Variants in KDR observed in about 807,000 individuals in gnomAD.
The protein encoded by KDR is kinase insert domain receptor, also known as vascular endothelial growth factor receptor 2.
A neutral mutation model predicts 160.9 loss-of-function variants in KDR; 43 were observed. The ratio of observed to expected loss-of-function variants is 0.27; its 90% CI spans 0.21 to 0.34. The LOEUF is 0.34. KDR is among the 10% of genes least tolerant of loss of function. The probability of loss-of-function intolerance (pLI) is 1.00; values close to 1 mark genes in which losing one functional copy is unlikely to be tolerated. For missense variants in KDR, 1,469 were observed against 1,666.4 expected (o/e 0.88, Z 2.06); for synonymous variants, 617 against 600.1 (o/e 1.03, Z -0.41).
chr4:55,080,254 G>T, intron 29 of KDR, 91 bp from the exon 30 acceptor site: 1 of 1,139,976 alleles, frequency 8.8e-7, no homozygotes. Flanking sequence ...CCATATGGCT[G>T]CCATCTCCCT....
intron 16 of KDR, 128 bp from the exon 17 acceptor site, chr4:55,098,400 A>T: frequency 1.8e-6 from 2 of 1,127,742 alleles, no homozygotes; most frequent in Non-Finnish European, 2.6e-6. Flanking sequence ...GGAGTTTGAG[A>T]GTGGTCCTAT....
At chr4:55,108,761 CCTT>C (rs1025799244) in intron 9 of KDR, among the ~76,000 whole-genome samples, 3 of 151,832 alleles carry the variant, frequency 2.0e-5, no homozygotes, top group Non-Finnish European at 2.9e-5. Context: ...TCTCTCACTT[CCTT>C]CTTTCTTCTC....
intron 29 of KDR, 122 bp downstream of exon 29, chr4:55,081,834 G>T (rs1049870240): frequency 2.4e-5 from 16 of 675,720 alleles, no homozygotes; most frequent in Non-Finnish European, 3.2e-5. Flanking sequence ...TTGTTAAATT[G>T]ATGCTAATTT....
rs1316766290 is a variant in KDR, at chr4:55,079,966, G to C, written c.4046C>G (p.Thr1349Ser). The stretch of plus-strand genomic sequence containing the variant: ...TTAAACAGGAGGAGAGCTCAGTGTG[G>C]TCCCCGAGTCAGGCTGGAGAATCTG... ...TAQILQPDSGTTLSSPPV is the reference protein window; with the variant it reads ...TAQILQPDSGSTLSSPPV Residue 1349 changes from threonine to serine, a missense_variant, in exon 30 of 30, where the codon ACC becomes AGC. Thr to Ser is a moderately conservative substitution (Grantham distance 58). Around this residue, in one of 7 missense-constraint regions of KDR, gnomAD observed 229 missense variants for 197.8 expected, o/e 1.16. Coordinates refer to ENST00000263923, the MANE Select transcript of KDR (RefSeq NM_002253.4). 1 of 1,614,002 alleles carries C rather than the reference G, an allele frequency of 6.2e-7. No individual in the cohort carries two copies. The highest frequency in any genetic ancestry group is 1.3e-5 in the African/African-American group (1 of 74,898).
intron 10 of KDR, 60 bp from the exon 11 acceptor site, chr4:55,106,870 A>G: frequency 1.4e-6 from 2 of 1,397,110 alleles, no homozygotes; most frequent in South Asian, 2.3e-5. Flanking sequence ...TAGAGTCAAG[A>G]GTAAGGAAAA....
chr4:55,089,855 A>G (rs1719963622), intron 23 of KDR, 53 bp from the exon 24 acceptor site: 14 of 1,606,800 alleles, frequency 8.7e-6, no homozygotes, highest in Non-Finnish European at 1.2e-5. Context: ...ATATCTGAAG[A>G]AAAAAACTTC....
chr4:55,087,936 T>C (rs7682773), intron 26 of KDR, among the ~76,000 whole-genome samples, 178 bp from the exon 27 acceptor site: 67 of 151,998 alleles, frequency 4.4e-4, no homozygotes, highest in Non-Finnish European at 8.8e-4. Context: ...GCTGTTGAAA[T>C]GGAAGGTATA....
intron 14 of KDR, 101 bp from the exon 15 acceptor site, chr4:55,102,129 C>T: frequency 6.6e-7 from 1 of 1,519,998 alleles, no homozygotes; most frequent in Non-Finnish European, 9.1e-7. Flanking sequence ...TCATCTTGTT[C>T]TATTATCTAA....
At chr4:55,093,379 A>G (rs1292816037) in intron 21 of KDR, among the ~76,000 whole-genome samples, 3 of 152,240 alleles carry the variant, frequency 2.0e-5, no homozygotes, top group Non-Finnish European at 4.4e-5. Context: ...GTGTTTCAAA[A>G]TCATCTCTTT....
chr4:55,087,505 A>T, intron 27 of KDR, 102 bp downstream of exon 27: 1 of 1,024,966 alleles, frequency 9.8e-7, no homozygotes, highest in Non-Finnish European at 1.5e-6. Context: ...TGGAAGTGGG[A>T]TGCAACAGCC....
At chr4:55,111,692 C>T (rs1200798823) in intron 7 of KDR, among the ~76,000 whole-genome samples, 1 of 152,170 alleles carries the variant, frequency 6.6e-6, no homozygotes, top group Non-Finnish European at 1.5e-5. Flanking sequence ...TGTATTTTGA[C>T]AAGTGCATCT....
At chr4:55,094,164 G>A (rs934682768) in intron 21 of KDR, among the ~76,000 whole-genome samples, 18 of 151,988 alleles carry the variant, frequency 1.2e-4, no homozygotes, top group African/African-American at 2.9e-4. Context: ...AGCCGAGATC[G>A]CACCATTGCA....
intron 9 of KDR, among the ~76,000 whole-genome samples, chr4:55,108,364 CA>C (rs1428632182): frequency 6.6e-6 from 1 of 152,074 alleles, no homozygotes; most frequent in Non-Finnish European, 1.5e-5. Flanking sequence ...TTTAGGAGAT[CA>C]GGGAAAGGCT....
chr4:55,088,723 C>G (rs746175632), intron 26 of KDR, 145 bp downstream of exon 26: 1 of 702,398 alleles, frequency 1.4e-6, no homozygotes, highest in Non-Finnish European at 2.6e-6. Flanking sequence ...TTTAGAAAAG[C>G]ATTATTACTC....
At chr4:55,107,984 A>C (rs942520190) in intron 9 of KDR, 91 bp from the exon 10 acceptor site, 6 of 1,453,174 alleles carry the variant, frequency 4.1e-6, no homozygotes, top group Admixed American at 1.7e-5. Context: ...ACTTTCTTTA[A>C]GCATATGATT....
In KDR at chr4:55,121,943, C is replaced by T. The variant is rs116422000; in HGVS notation, c.68-753G>A. ...TTTTTAAAAAGTATATGAATATTTT[C>T]GTGAAAAATTTTCCCAGTTTCACAC... is the stretch of plus-strand genomic sequence containing the variant. On this transcript the variant is annotated intron_variant, in intron 1 of 29. Coordinates refer to ENST00000263923, the MANE Select transcript of KDR (RefSeq NM_002253.4). Among the ~76,000 whole-genome samples, 1,516 of 152,052 alleles carry T rather than the reference C, an allele frequency of 1.0e-2. 24 individuals are homozygous for T. The highest frequency in any genetic ancestry group is 0.033 in the African/African-American group (1,368 of 41,450).
chr4:55,107,614 G>T, intron 10 of KDR, 123 bp downstream of exon 10: 1 of 1,116,628 alleles, frequency 9.0e-7, no homozygotes, highest in Non-Finnish European at 1.4e-6. Context: ...GGAGATTCAG[G>T]CTACCTCTTG....
At chr4:55,109,274 GT>G (rs1720516332) in intron 9 of KDR, among the ~76,000 whole-genome samples, 1 of 151,910 alleles carries the variant, frequency 6.6e-6, no homozygotes, top group Admixed American at 6.6e-5. Context: ...GTAGAGACGG[GT>G]TTTCATCATG....
intron 27 of KDR, among the ~76,000 whole-genome samples, chr4:55,084,971 C>T (rs997295115): frequency 6.6e-5 from 10 of 152,140 alleles, no homozygotes; most frequent in Non-Finnish European, 1.2e-4. Context: ...TAGCAGGCTG[C>T]CCCAAGCATC....
Sources: allele counts gnomAD v4.1 joint callset (sites outside exome capture counted in the v4.1 genomes callset), GRCh38; gene constraint gnomAD v4.1.1; regional missense constraint gnomAD v4.1.1; transcripts MANE v1.5; gene names NCBI Gene and HGNC (gene_info 2026-07-23, HGNC 2026-07-21).